The following SAMSN1 variants were observed in gnomAD, a reference collection of about 807,000 sequenced individuals.
The protein encoded by SAMSN1 is SAM domain-containing protein SAMSN-1.
In SAMSN1, 31 loss-of-function variants were observed where a neutral mutation model predicts 42.0. That is an observed-to-expected ratio of 0.74 (90% CI 0.55 to 1.00). The LOEUF is 1.00. SAMSN1 is among the 50% of genes least tolerant of loss of function. The pLI is 0.00. For missense variants in SAMSN1, 464 were observed against 439.4 expected, an observed-to-expected ratio of 1.06 and a Z score of -0.50; for synonymous variants, 178 against 151.9, an observed-to-expected ratio of 1.17 and a Z score of -1.26.
At chr21:14,577,016 G>T (rs1197112193) in intron 2 of SAMSN1, among the ~76,000 whole-genome samples, 8 of 131,532 alleles carry the variant, frequency 6.1e-5, no homozygotes, top group African/African-American at 2.3e-4. Context: ...ATGGATATTT[G>T]CTCCTTGTTT....
chr21:14,555,710 A>C (rs979117584), intron 2 of SAMSN1, among the ~76,000 whole-genome samples: 11 of 152,222 alleles, frequency 7.2e-5, no homozygotes, highest in Non-Finnish European at 1.6e-4. Flanking sequence ...CTTTATAAAC[A>C]GGATAAAACA....
chr21:14,634,614 G>A (rs1983418769), intron 2 of SAMSN1, among the ~76,000 whole-genome samples: 1 of 152,126 alleles, frequency 6.6e-6, no homozygotes, highest in African/African-American at 2.4e-5. Context: ...ACCACAATGA[G>A]ATACCATCTC....
chr21:14,635,193 G>A (rs78065291), intron 2 of SAMSN1, among the ~76,000 whole-genome samples: 1,795 of 152,272 alleles, frequency 0.012, 27 homozygotes, highest in African/African-American at 0.04. Context: ...GGGCAATGAC[G>A]AGGGGAGGGA....
Position 14,564,506 on chromosome 21 carries a change from C to T in SAMSN1, c.261+17630G>A, listed in dbSNP as rs80142312. Among the ~76,000 whole-genome samples, 1,400 of 152,216 alleles carry T rather than the reference C, an allele frequency of 9.2e-3. 18 individuals are homozygous for T. Among genetic ancestry groups the T allele is most frequent in the African/African-American group, 0.032 (1,313 of 41,546 alleles). On this transcript the variant is annotated intron_variant, in intron 2 of 8. Coordinates refer to the SAMSN1 transcript ENST00000285670. ...AACTCACCTAAAGACAAAAAGCTAA[C>T]AAGTAGTCAAGAGTTAAACCCAGGC...
upstream of SAMSN1, chr21:14,546,330 G>A: frequency 1.2e-6 from 2 of 1,603,666 alleles, no homozygotes; most frequent in South Asian, 1.1e-5. Flanking sequence ...ACAGTCAGCA[G>A]TGTGCTGTCT....
At chr21:14,525,394 A>G (rs1568787107) in intron 1 of SAMSN1, among the ~76,000 whole-genome samples, 1 of 152,228 alleles carries the variant, frequency 6.6e-6, no homozygotes, top group Non-Finnish European at 1.5e-5. Flanking sequence ...AATACAGACA[A>G]GAAAATACAG....
chr21:14,565,462 C>T (rs1019241820), intron 2 of SAMSN1, among the ~76,000 whole-genome samples: 7 of 152,086 alleles, frequency 4.6e-5, no homozygotes, highest in African/African-American at 1.7e-4. Flanking sequence ...ATGAACTCAA[C>T]AAAATGCATT....
chr21:14,535,314 G>A (rs535898969), intron 1 of SAMSN1, among the ~76,000 whole-genome samples: 1 of 152,288 alleles, frequency 6.6e-6, no homozygotes, highest in Non-Finnish European at 1.5e-5. Context: ...GTGGGTTGTG[G>A]CAGAGTTACA....
intron 1 of SAMSN1, among the ~76,000 whole-genome samples, chr21:14,655,576 A>T (rs1983902267): frequency 6.6e-6 from 1 of 151,840 alleles, no homozygotes; most frequent in African/African-American, 2.4e-5. Flanking sequence ...CTCAATAAAT[A>T]TTTAAGGCAT....
chr21:14,596,910 T>G (rs1391840967), intron 6 of SAMSN1, among the ~76,000 whole-genome samples: 1 of 152,178 alleles, frequency 6.6e-6, no homozygotes, highest in Non-Finnish European at 1.5e-5. Context: ...TGAAATAATT[T>G]TTTTTGTTTG....
chr21:14,486,124 G>T lies in SAMSN1; in HGVS notation c.920-10C>A. On this transcript the variant is annotated splice_polypyrimidine_tract_variant and intron_variant, in intron 7 of 7. Transcript: ENST00000400566. Reference sequence around the variant, plus strand: ...TCTTGCTCTTGAATAACTGTAAATGGAAAAAAAGGGCAGGAGTTAGGTAAA... The same window carrying T: ...TCTTGCTCTTGAATAACTGTAAATGTAAAAAAAGGGCAGGAGTTAGGTAAA... The T allele has an allele frequency of 6.3e-7, 1 of 1,596,384 alleles. No homozygotes were observed. The highest frequency in any genetic ancestry group is 8.6e-7 in the Non-Finnish European group (1 of 1,168,128).
intron 2 of SAMSN1, among the ~76,000 whole-genome samples, chr21:14,573,046 T>C (rs1981349992): frequency 6.6e-6 from 1 of 152,134 alleles, no homozygotes; most frequent in Admixed American, 6.6e-5. Context: ...TAAAGTCAAG[T>C]GCTAAGTCAA....
At chr21:14,585,889 C>CCAAGGGAT (rs1376028697), upstream of SAMSN1, among the ~76,000 whole-genome samples, 1 of 151,794 alleles carries the variant, frequency 6.6e-6, no homozygotes, top group African/African-American at 2.4e-5. Flanking sequence ...TACTATATAT[C>CCAAGGGAT]CAAGGGATGA....
At chr21:14,648,550 A>C (rs1160139304) in intron 1 of SAMSN1, among the ~76,000 whole-genome samples, 1 of 152,234 alleles carries the variant, frequency 6.6e-6, no homozygotes, top group African/African-American at 2.4e-5. Context: ...CAGAATCTAC[A>C]ATGAACTCAA....
intron 2 of SAMSN1, among the ~76,000 whole-genome samples, chr21:14,557,018 G>A (rs531288688): frequency 6.6e-6 from 1 of 152,134 alleles, no homozygotes; most frequent in Non-Finnish European, 1.5e-5. Flanking sequence ...AAAGAAATCA[G>A]ATTTCTTGTT....
intron 2 of SAMSN1, among the ~76,000 whole-genome samples, chr21:14,557,731 G>A (rs369491202): frequency 5.1e-4 from 77 of 152,310 alleles, no homozygotes; most frequent in African/African-American, 1.8e-3. Flanking sequence ...AGGCTGGAAC[G>A]TCTCTGGTCT....
chr21:14,643,032 C>T, exon 2 of SAMSN1: 1 of 717,254 alleles, frequency 1.4e-6, no homozygotes, highest in Non-Finnish European at 2.6e-6. Context: ...TTTGTTCACT[C>T]TCTCCAAAGG....
At position 14,655,096 on chromosome 21, in the gene SAMSN1, T is replaced by C. The variant is rs868827436; in HGVS notation, c.24+3652A>G. 2.2e-4 allele frequency among the ~76,000 whole-genome samples: 33 copies of C among 151,922 alleles called. No individual in the cohort carries two copies. The South Asian group carries it at 3.7e-3, about 17-fold the overall frequency. Reference sequence around the variant, plus strand: ...AATGTAATATTAAAGAAATAATTTATGATGAAACCAAAACAGAAATGAAAC... The same window carrying C: ...AATGTAATATTAAAGAAATAATTTACGATGAAACCAAAACAGAAATGAAAC... On this transcript the variant is annotated intron_variant, in intron 1 of 15. Coordinates refer to the SAMSN1 transcript ENST00000647101.
chr21:14,617,944 C>A (rs1453696270), intron 2 of SAMSN1, among the ~76,000 whole-genome samples: 1 of 152,126 alleles, frequency 6.6e-6, no homozygotes, highest in African/African-American at 2.4e-5. Flanking sequence ...GGTATGGGAC[C>A]CACACAAAGC....
Sources: allele counts gnomAD v4.1 joint callset (sites outside exome capture counted in the v4.1 genomes callset), GRCh38; gene constraint gnomAD v4.1.1; transcripts MANE v1.5; gene names NCBI Gene and HGNC (gene_info 2026-07-23, HGNC 2026-07-21).